SEC23IP: variants seen among roughly 807,000 people sequenced by gnomAD.
The protein encoded by SEC23IP is SEC23 interacting protein, also known as SEC23-interacting protein.
Under a neutral mutation model 113.4 loss-of-function variants are expected in SEC23IP, and 70 were observed. That is an observed-to-expected ratio of 0.62 (90% CI 0.51 to 0.75). SEC23IP has a LOEUF of 0.75. SEC23IP is among the 30% of genes least tolerant of loss of function. The pLI, the probability that SEC23IP is intolerant of heterozygous loss-of-function variation, is 0.00. For missense variants in SEC23IP, 1,160 were observed against 1,204.9 expected (o/e 0.96, Z 0.55); for synonymous variants, 398 against 421.0 (o/e 0.95, Z 0.67).
rs1854137990 is a variant in SEC23IP, at chr10:119,892,877, G to C, written c.95G>C (p.Ser32Thr). Residue 32 changes from serine (S) to threonine (T), a missense_variant, in exon 1 of 19, where the codon AGC (serine) becomes ACC (threonine). Ser to Thr is a moderately conservative substitution (Grantham distance 58, BLOSUM62 1). Transcript: ENST00000369075. ...TTCTCCTCCTCGGCCACGGAGTTCAGCTTCAATGTGCCCTTCATCCCAGTC... is the reference window on the plus strand; with the variant it reads ...TTCTCCTCCTCGGCCACGGAGTTCACCTTCAATGTGCCCTTCATCCCAGTC... ...LLFSSSATEF[S>T]FNVPFIPVTQ... 6.2e-7 allele frequency: 1 copy of C among 1,613,846 alleles called. No individual in the cohort carries two copies. The highest frequency in any genetic ancestry group is 1.1e-5 in the South Asian group (1 of 91,052).
At chr10:119,939,375 T>G (rs1036914789) in intron 18 of SEC23IP, among the ~76,000 whole-genome samples, 1 of 152,012 alleles carries the variant, frequency 6.6e-6, no homozygotes, top group Non-Finnish European at 1.5e-5. Flanking sequence ...GGCAGATAAC[T>G]AACTTTATTT....
At position 119,916,334 on chromosome 10, in the gene SEC23IP, C is replaced by T. The variant is rs184183084; in HGVS notation, c.1544+445C>T. ...AGGACAATTCTTTGCTGTCGCAGTG[C>T]AGACCACTTAACTTCCTTAGTGTAA... On this transcript the variant is annotated intron_variant, in intron 8 of 18. Coordinates refer to ENST00000369075, the MANE Select transcript of SEC23IP (RefSeq NM_007190.4). 2.0e-5 allele frequency among the ~76,000 whole-genome samples: 3 copies of T among 152,270 alleles called. No individual in the cohort carries two copies. The East Asian group carries it at 5.8e-4, about 29-fold the overall frequency.
intron 10 of SEC23IP, among the ~76,000 whole-genome samples, chr10:119,919,085 T>C (rs1470479821): frequency 1.3e-5 from 2 of 149,188 alleles, no homozygotes; most frequent in Admixed American, 6.7e-5. Flanking sequence ...CCTCCGCCTT[T>C]CGGTTTCAAG....
chr10:119,899,995 G>A (rs1220677542), intron 2 of SEC23IP, among the ~76,000 whole-genome samples: 2 of 147,202 alleles, frequency 1.4e-5, no homozygotes, highest in African/African-American at 5.1e-5. Flanking sequence ...CCTTTCTCCT[G>A]CCCCTTCCTC....
intron 1 of SEC23IP, among the ~76,000 whole-genome samples, chr10:119,894,783 A>G (rs1217600697): frequency 6.6e-6 from 1 of 151,998 alleles, no homozygotes; most frequent in Non-Finnish European, 1.5e-5. Flanking sequence ...CTTCCTTGCT[A>G]TGTAGTGTTT....
At chr10:119,895,654 G>C (rs1240640146) in intron 1 of SEC23IP, among the ~76,000 whole-genome samples, 1 of 152,178 alleles carries the variant, frequency 6.6e-6, no homozygotes, top group East Asian at 1.9e-4. Flanking sequence ...GGTGATGCTT[G>C]AGCTGAGTGT....
intron 4 of SEC23IP, chr10:119,904,721 GT>G (rs1854608384): frequency 6.4e-6 from 1 of 155,240 alleles, no homozygotes; most frequent in Non-Finnish European, 1.4e-5. Flanking sequence ...ATTATATGTT[GT>G]TTTATATAAT....
intron 3 of SEC23IP, among the ~76,000 whole-genome samples, chr10:119,903,784 C>T (rs868524414): frequency 4.6e-5 from 7 of 152,294 alleles, no homozygotes; most frequent in South Asian, 2.1e-4. Context: ...AGAGCAGTAG[C>T]GCAATCTGGA....
At chr10:119,907,512 AC>A (rs1406929984) in intron 4 of SEC23IP, among the ~76,000 whole-genome samples, 3 of 152,224 alleles carry the variant, frequency 2.0e-5, no homozygotes, top group Admixed American at 2.0e-4. Flanking sequence ...GCTCCCTCTT[AC>A]TTTGTGTTGA....
intron 2 of SEC23IP, among the ~76,000 whole-genome samples, chr10:119,899,322 A>C (rs1414181315): frequency 2.6e-5 from 4 of 152,232 alleles, no homozygotes; most frequent in Non-Finnish European, 4.4e-5. Flanking sequence ...TACACTAGTC[A>C]ATCAAAACAC....
chr10:119,923,510 A>G (rs912305100), intron 12 of SEC23IP, among the ~76,000 whole-genome samples: 2 of 150,068 alleles, frequency 1.3e-5, no homozygotes, highest in African/African-American at 4.9e-5. Flanking sequence ...AATTGTTTCT[A>G]GTGTTGGGGA....
chr10:119,938,349 G>A (rs546886153), intron 18 of SEC23IP, among the ~76,000 whole-genome samples: 1 of 152,218 alleles, frequency 6.6e-6, no homozygotes, highest in South Asian at 2.1e-4. Flanking sequence ...TCAGATATTG[G>A]AGTTTTTGTT....
rs373990875 is a variant in SEC23IP, at chr10:119,940,266, C to T, written c.*21-320C>T. 1.7e-4 allele frequency among the ~76,000 whole-genome samples: 25 copies of T among 150,604 alleles called. No individual in the cohort carries two copies. In the South Asian group the frequency reaches 4.8e-3, roughly 29 times the overall value. ...GCAGTGGCGTCATCTTGGCTCACTG[C>T]AAGCTCCGCCTCCCGTGTTCACACC... is the stretch of plus-strand genomic sequence containing the variant. On this transcript the variant is annotated intron_variant, in intron 18 of 18. Transcript: ENST00000369075.
chr10:119,918,362 C>T (rs1452583266), intron 9 of SEC23IP, 31 bp from the exon 10 acceptor site: 3 of 1,326,300 alleles, frequency 2.3e-6, no homozygotes, highest in Non-Finnish European at 3.2e-6. Flanking sequence ...GTACCTACTA[C>T]ATTATAAGGC....
At position 119,892,955 on chromosome 10, in the gene SEC23IP, G is replaced by T; in HGVS notation, c.163+10G>T. On this transcript the variant is annotated intron_variant, in intron 1 of 18. Coordinates refer to ENST00000369075, the MANE Select transcript of SEC23IP (RefSeq NM_007190.4). The stretch of plus-strand genomic sequence containing the variant: ...CTGCTCTTACCGGGAGGTAATAAGG[G>T]GAGGGCGGCCCCGTGTGTGGTGGGA... 6.2e-7 allele frequency: 1 copy of T among 1,608,534 alleles called. No homozygotes were observed. The highest frequency in any genetic ancestry group is 2.2e-5 in the East Asian group (1 of 44,568).
intron 12 of SEC23IP, 47 bp from the exon 13 acceptor site, chr10:119,925,989 C>G (rs1173543938): frequency 4.0e-6 from 6 of 1,495,516 alleles, no homozygotes; most frequent in Middle Eastern, 1.7e-4. Context: ...TAGCTGAGAG[C>G]TGAACTTTTT....
Position 119,942,872 on chromosome 10 carries a change from C to G in SEC23IP, c.*2307C>G, listed in dbSNP as rs1371469399. ...CACAGTATAAGACAAGGAAACTGCACAGATTCGAGTGATTTTTGAGGTAAG... is the reference window on the plus strand; with the variant it reads ...CACAGTATAAGACAAGGAAACTGCAGAGATTCGAGTGATTTTTGAGGTAAG... On this transcript the variant is annotated 3_prime_UTR_variant, in exon 19 of 19. Transcript: ENST00000369075. The G allele has an allele frequency of 6.6e-6, 1 of 152,128 alleles. No individual in the cohort carries two copies. The highest frequency in any genetic ancestry group is 1.5e-5 in the Non-Finnish European group (1 of 68,040). 9.4% of individuals were successfully genotyped at this position (152,128 alleles called of 1,614,324 possible).
At chr10:119,925,884 T>A in intron 12 of SEC23IP, 152 bp from the exon 13 acceptor site, 2 of 691,974 alleles carry the variant, frequency 2.9e-6, no homozygotes, top group Non-Finnish European at 4.7e-6. Flanking sequence ...CTGCAGAGAA[T>A]AAAAAGGCAT....
At chr10:119,903,440 A>G (rs775347079) in intron 3 of SEC23IP, among the ~76,000 whole-genome samples, 24 of 152,204 alleles carry the variant, frequency 1.6e-4, no homozygotes, top group Admixed American at 1.0e-3. Context: ...GCAGGAGTAC[A>G]TTAATGCTTT....
Sources: allele counts gnomAD v4.1 joint callset (sites outside exome capture counted in the v4.1 genomes callset), GRCh38; gene constraint gnomAD v4.1.1; transcripts MANE v1.5; gene names NCBI Gene and HGNC (gene_info 2026-07-23, HGNC 2026-07-21).